Variants in DAB1 observed in about 807,000 individuals in gnomAD.
The protein encoded by DAB1 is disabled homolog 1.
DAB1 carries 15 observed loss-of-function variants against 64.6 expected under a neutral mutation model. The ratio of observed to expected loss-of-function variants is 0.23; its 90% CI spans 0.16 to 0.36. The LOEUF (loss-of-function observed/expected upper bound fraction) is 0.36. Among genes scored for constraint, DAB1 ranks in the 10% least tolerant of loss-of-function variants. The probability of loss-of-function intolerance (pLI) is 1.00; values close to 1 mark genes in which losing one functional copy is unlikely to be tolerated. For missense variants in DAB1, 596 were observed against 706.7 expected, an observed-to-expected ratio of 0.84 and a Z score of 1.78; for synonymous variants, 235 against 251.9, an observed-to-expected ratio of 0.93 and a Z score of 0.64.
chr1:57,233,691 G>A (rs922063355), intron 2 of DAB1, among the ~76,000 whole-genome samples: 5 of 151,488 alleles, frequency 3.3e-5, no homozygotes, highest in Non-Finnish European at 7.4e-5. Context: ...CCTGGGAGGC[G>A]GAAGTTTCAG....
At chr1:57,041,324 T>G (rs930540952) in intron 9 of DAB1, among the ~76,000 whole-genome samples, 80 of 152,300 alleles carry the variant, frequency 5.3e-4, no homozygotes, top group African/African-American at 1.8e-3. Flanking sequence ...ACTATGCCTA[T>G]CCTGTGAGCA....
intron 9 of DAB1, among the ~76,000 whole-genome samples, chr1:57,060,200 G>C (rs1226764519): frequency 6.9e-6 from 1 of 145,674 alleles, no homozygotes; most frequent in Non-Finnish European, 1.5e-5. Context: ...ACCCAGGCTA[G>C]AGTGCAGTAG....
At chr1:57,739,894 A>G in intron 6 of DAB1, among the ~76,000 whole-genome samples, 1 of 152,016 alleles carries the variant, frequency 6.6e-6, no homozygotes, top group African/African-American at 2.4e-5. Context: ...ATATACAAGT[A>G]TTAAAATAAT....
intron 1 of DAB1, among the ~76,000 whole-genome samples, chr1:57,324,253 G>T (rs915481856): frequency 6.6e-6 from 1 of 152,198 alleles, no homozygotes; most frequent in Non-Finnish European, 1.5e-5. Context: ...GAGGAGTCGG[G>T]ATGCTCAGGA....
intron 6 of DAB1, among the ~76,000 whole-genome samples, chr1:57,750,436 C>G (rs1038788746): frequency 8.5e-5 from 13 of 152,168 alleles, no homozygotes; most frequent in African/African-American, 2.7e-4. Context: ...TTTCTCCTAC[C>G]TACCTGAGTG....
chr1:57,275,308 T>G (rs1017415734), intron 2 of DAB1, among the ~76,000 whole-genome samples: 1 of 152,160 alleles, frequency 6.6e-6, no homozygotes, highest in Non-Finnish European at 1.5e-5. Context: ...AGACAAATAA[T>G]GGAATCCTAA....
At chr1:58,178,794 C>A (rs554364122) in intron 4 of DAB1, among the ~76,000 whole-genome samples, 5 of 152,252 alleles carry the variant, frequency 3.3e-5, no homozygotes, top group Admixed American at 6.5e-5. Flanking sequence ...TGTACACAAA[C>A]TGAATGCAGG....
At chr1:57,620,424 A>G (rs1019123424) in intron 7 of DAB1, among the ~76,000 whole-genome samples, 1 of 152,210 alleles carries the variant, frequency 6.6e-6, no homozygotes, top group African/African-American at 2.4e-5. Context: ...CTAGTTTTGT[A>G]TGAGATGAAT....
At chr1:57,046,177 G>A (rs558009449) in intron 9 of DAB1, among the ~76,000 whole-genome samples, 1 of 152,176 alleles carries the variant, frequency 6.6e-6, no homozygotes, top group Non-Finnish European at 1.5e-5. Context: ...TCGAATTGGG[G>A]CTAAGGAAGT....
chr1:58,490,880 A>G (rs1161722593), intron 3 of DAB1, among the ~76,000 whole-genome samples: 1 of 132,284 alleles, frequency 7.6e-6, no homozygotes, highest in African/African-American at 2.9e-5. Flanking sequence ...ATCTCGGCTC[A>G]CAGCAAGCTC....
intron 4 of DAB1, among the ~76,000 whole-genome samples, chr1:57,122,137 A>C (rs1656722050): frequency 6.6e-6 from 1 of 152,140 alleles, no homozygotes; most frequent in Admixed American, 6.6e-5. Context: ...GGAGAGAGGC[A>C]CATGTGTGAA....
intron 5 of DAB1, among the ~76,000 whole-genome samples, chr1:58,125,504 C>T (rs1653011227): frequency 6.7e-6 from 1 of 150,286 alleles, no homozygotes; most frequent in African/African-American, 2.5e-5. Context: ...GCAGTGTTTG[C>T]AATCACAGCT....
intron 4 of DAB1, among the ~76,000 whole-genome samples, chr1:57,135,309 A>G (rs952974463): frequency 2.6e-5 from 4 of 152,140 alleles, no homozygotes; most frequent in Non-Finnish European, 5.9e-5. Flanking sequence ...TTCTGTCTTT[A>G]TGACTGTGAC....
intron 5 of DAB1, among the ~76,000 whole-genome samples, chr1:57,988,737 G>A (rs1646281176): frequency 6.6e-6 from 1 of 151,952 alleles, no homozygotes; most frequent in Non-Finnish European, 1.5e-5. Flanking sequence ...AGAGGGGTGG[G>A]GACTTCAGAT....
At chr1:57,988,897 C>T (rs1465931755) in intron 5 of DAB1, among the ~76,000 whole-genome samples, 1 of 152,196 alleles carries the variant, frequency 6.6e-6, no homozygotes, top group Non-Finnish European at 1.5e-5. Context: ...CAAAGCATAC[C>T]TAGATCCTAG....
At position 57,924,668 on chromosome 1, in the gene DAB1, T is replaced by C. The variant is rs1557559275; in HGVS notation, n.388-40506A>G. On this transcript the variant is annotated intron_variant and non_coding_transcript_variant, in intron 5 of 20. Transcript: ENST00000485760. ...TTTTTTAGTAGAGATGGGGTTTTAC[T>C]ATGTTGGCCAGGCTGATTTCAAACT... Among the ~76,000 whole-genome samples the C allele has an allele frequency of 3.4e-5, 5 of 148,808 alleles. No homozygotes were observed. The South Asian group carries it at 1.1e-3, about 32-fold the overall frequency.
chr1:57,342,710 T>G (rs1197783076), intron 1 of DAB1, among the ~76,000 whole-genome samples: 1 of 152,176 alleles, frequency 6.6e-6, no homozygotes, highest in Non-Finnish European at 1.5e-5. Context: ...TGTTCGGATG[T>G]GTTCAGAGTT....
chr1:57,998,394 T>G (rs1646459595), intron 5 of DAB1, among the ~76,000 whole-genome samples: 1 of 150,246 alleles, frequency 6.7e-6, no homozygotes. Flanking sequence ...TCTCTCTTTT[T>G]TTTTTTTTTT....
chr1:57,995,499 T>C (rs1285818362), intron 5 of DAB1, among the ~76,000 whole-genome samples: 1 of 152,178 alleles, frequency 6.6e-6, no homozygotes, highest in East Asian at 1.9e-4. Context: ...TAAAAATGCA[T>C]CTATATTTAA....
Sources: allele counts gnomAD v4.1 joint callset (sites outside exome capture counted in the v4.1 genomes callset), GRCh38; gene constraint gnomAD v4.1.1; transcripts MANE v1.5; gene names NCBI Gene and HGNC (gene_info 2026-07-23, HGNC 2026-07-21).